ADK: variants seen among roughly 807,000 people sequenced by gnomAD.
The protein encoded by ADK is N6,N6-dimethyladenosine kinase.
ADK carries 24 observed loss-of-function variants against 44.7 expected under a neutral mutation model. The observed-to-expected ratio is 0.54, with a 90% CI of 0.39 to 0.76. The LOEUF is 0.76. Among genes scored for constraint, ADK ranks in the 30% least tolerant of loss-of-function variants. The pLI is 0.00. For missense variants in ADK, 321 were observed against 425.1 expected (o/e 0.76, Z 2.15); for synonymous variants, 128 against 142.6 (o/e 0.90, Z 0.73).
chr10:74,423,204 AT>A (rs1232020881), intron 6 of ADK, among the ~76,000 whole-genome samples: 3 of 152,230 alleles, frequency 2.0e-5, no homozygotes, highest in African/African-American at 7.2e-5. Context: ...AATCAATATT[AT>A]TTAAAAAGTG....
At chr10:74,708,053 A>G (rs1048352191) in intron 10 of ADK, among the ~76,000 whole-genome samples, 4 of 149,806 alleles carry the variant, frequency 2.7e-5, no homozygotes, top group Non-Finnish European at 5.9e-5. Context: ...CAGGAGGCTG[A>G]GGCAGGAGAA....
At chr10:74,328,455 A>G (rs1030361164) in intron 4 of ADK, among the ~76,000 whole-genome samples, 2 of 152,150 alleles carry the variant, frequency 1.3e-5, no homozygotes, top group East Asian at 1.9e-4. Context: ...GTTGCAGTCA[A>G]AGCACCATTT....
At chr10:74,693,541 G>A (rs1395112689) in intron 10 of ADK, among the ~76,000 whole-genome samples, 2 of 152,070 alleles carry the variant, frequency 1.3e-5, no homozygotes, top group Non-Finnish European at 2.9e-5. Flanking sequence ...GCTACTCTAA[G>A]TATGATTATC....
At chr10:74,167,685 C>T (rs940765399) in intron 1 of ADK, among the ~76,000 whole-genome samples, 50 of 152,162 alleles carry the variant, frequency 3.3e-4, no homozygotes, top group African/African-American at 1.2e-3. Flanking sequence ...TAGAATCTGG[C>T]ATAGCATCAC....
At chr10:74,523,322 C>A (rs1007465224) in intron 6 of ADK, among the ~76,000 whole-genome samples, 1 of 152,050 alleles carries the variant, frequency 6.6e-6, no homozygotes, top group African/African-American at 2.4e-5. Flanking sequence ...CTACTTCTAC[C>A]ATCATACTAA....
chr10:74,686,285 G>A (rs1855785629), intron 10 of ADK, among the ~76,000 whole-genome samples: 2 of 152,038 alleles, frequency 1.3e-5, no homozygotes, highest in African/African-American at 2.4e-5. Context: ...TTTAAGTCCT[G>A]GTACCACATT....
intron 10 of ADK, among the ~76,000 whole-genome samples, chr10:74,702,573 T>TTC (rs1554900283): frequency 4.2e-5 from 6 of 142,438 alleles, no homozygotes; most frequent in South Asian, 2.2e-4. Context: ...CCTTCCTTCC[T>TTC]CTCTCTCTCT....
At chr10:74,468,101 A>G (rs1846426263) in intron 6 of ADK, among the ~76,000 whole-genome samples, 1 of 152,180 alleles carries the variant, frequency 6.6e-6, no homozygotes, top group Non-Finnish European at 1.5e-5. Context: ...CAGGTGAGCA[A>G]TGATTCTGAC....
At chr10:74,435,978 G>A (rs1232279978) in intron 6 of ADK, among the ~76,000 whole-genome samples, 1 of 152,058 alleles carries the variant, frequency 6.6e-6, no homozygotes, top group Non-Finnish European at 1.5e-5. Context: ...AAAACAAAGA[G>A]CATCAATAAA....
chr10:74,251,953 T>G (rs1297657397), intron 3 of ADK, among the ~76,000 whole-genome samples: 1 of 148,074 alleles, frequency 6.8e-6, no homozygotes, highest in East Asian at 2.0e-4. Flanking sequence ...GTGAGTAAAT[T>G]CTGTATAGTC....
chr10:74,391,890 C>A (rs956802876), intron 4 of ADK, among the ~76,000 whole-genome samples: 3 of 152,106 alleles, frequency 2.0e-5, no homozygotes, highest in Non-Finnish European at 4.4e-5. Flanking sequence ...AACCAACATT[C>A]TACTTATGTT....
At chr10:74,569,154 G>A (rs1238278865) in intron 7 of ADK, among the ~76,000 whole-genome samples, 4 of 151,930 alleles carry the variant, frequency 2.6e-5, no homozygotes, top group Non-Finnish European at 4.4e-5. Context: ...CATGTGCCAC[G>A]TTTTCTTAAT....
intron 1 of ADK, among the ~76,000 whole-genome samples, chr10:74,151,664 G>A (rs1026864920): frequency 1.3e-5 from 2 of 152,202 alleles, no homozygotes; most frequent in Non-Finnish European, 1.5e-5. Context: ...GGGTCGGACC[G>A]GAGCAGCGTC....
chr10:74,229,052 G>T (rs1291052196), intron 3 of ADK, among the ~76,000 whole-genome samples: 1 of 152,126 alleles, frequency 6.6e-6, no homozygotes, highest in Admixed American at 6.5e-5. Context: ...GATAGTGAAT[G>T]AATTCCATTA....
At chr10:74,222,689 T>C (rs1444901256) in intron 2 of ADK, among the ~76,000 whole-genome samples, 1 of 152,112 alleles carries the variant, frequency 6.6e-6, no homozygotes, top group Non-Finnish European at 1.5e-5. Flanking sequence ...CCATAAAAAA[T>C]GATGAGTTTA....
At chr10:74,585,737 G>C (rs1432163699) in intron 7 of ADK, among the ~76,000 whole-genome samples, 1 of 152,122 alleles carries the variant, frequency 6.6e-6, no homozygotes, top group Non-Finnish European at 1.5e-5. Flanking sequence ...ATTCTAACCC[G>C]AGCTGTTCTC....
At chr10:74,280,415 A>AACACACACACAC (rs71021599) in intron 3 of ADK, among the ~76,000 whole-genome samples, 1,567 of 144,412 alleles carry the variant, frequency 0.011, 32 homozygotes, top group African/African-American at 0.032. Context: ...AACAAGTTTA[A>AACACACACACAC]ACACACACAC....
At chr10:74,566,587 G>T (rs1302823101) in intron 7 of ADK, among the ~76,000 whole-genome samples, 2 of 152,102 alleles carry the variant, frequency 1.3e-5, no homozygotes, top group Non-Finnish European at 2.9e-5. Flanking sequence ...TTAAATGCCA[G>T]TTATAAAATC....
At chr10:74,493,351 ATG>A (rs147575422) in intron 6 of ADK, among the ~76,000 whole-genome samples, 2,826 of 150,004 alleles carry the variant, frequency 0.019, 95 homozygotes, top group African/African-American at 0.064. Flanking sequence ...CCCAGCATGT[ATG>A]TGTGTGTGTG....
Sources: allele counts gnomAD v4.1 joint callset (sites outside exome capture counted in the v4.1 genomes callset), GRCh38; gene constraint gnomAD v4.1.1; transcripts MANE v1.5; gene names NCBI Gene and HGNC (gene_info 2026-07-23, HGNC 2026-07-21).